Variants in MYO1D observed in about 807,000 individuals in gnomAD.
MYO1D encodes the protein unconventional myosin-Id.
Under a neutral mutation model 122.0 loss-of-function variants are expected in MYO1D, and 83 were observed. The ratio of observed to expected loss-of-function variants is 0.68; its 90% CI spans 0.57 to 0.82. MYO1D has a LOEUF of 0.82. MYO1D is among the 40% of genes least tolerant of loss of function. MYO1D has a pLI of 0.00. For missense variants in MYO1D, 1,157 were observed against 1,269.5 expected (o/e 0.91, Z 1.35); for synonymous variants, 464 against 446.9 (o/e 1.04, Z -0.48).
intron 21 of MYO1D, chr17:32,504,721 A>G (rs1278445997): frequency 6.6e-6 from 1 of 152,224 alleles, no homozygotes; most frequent in Admixed American, 6.5e-5. Flanking sequence ...CTCTCTTAGC[A>G]TGAGGTCCAT....
intron 10 of MYO1D, among the ~76,000 whole-genome samples, chr17:32,756,465 AT>A (rs2053320166): frequency 2.0e-5 from 3 of 152,124 alleles, no homozygotes; most frequent in Admixed American, 2.0e-4. Context: ...ACACAAAAAT[AT>A]CAACATTATG....
chr17:32,679,772 A>G (rs888825503), intron 16 of MYO1D, among the ~76,000 whole-genome samples: 1 of 151,870 alleles, frequency 6.6e-6, no homozygotes, highest in African/African-American at 2.4e-5. Flanking sequence ...TGAACTTTAA[A>G]GTAGTTTTTT....
Position 32,677,580 on chromosome 17 carries a change from AATATATATATATATATATATATAT to A in MYO1D, c.2122-18266_2122-18243del, listed in dbSNP as rs10523328. On this transcript the variant is annotated intron_variant, in intron 16 of 21. Coordinates refer to ENST00000318217, the MANE Select transcript of MYO1D (RefSeq NM_015194.3). Reference sequence around the variant, plus strand: ...TCATCAGGGGATATATAGATAGATAAATATATATATATATATATATATATATATATATATATATATATGCACACA... The same window carrying A: ...TCATCAGGGGATATATAGATAGATAAATATATATATATATATATGCACACA... Among the ~76,000 whole-genome samples, 558 of 135,652 alleles carry A rather than the reference AATATATATATATATATATATATAT, an allele frequency of 4.1e-3. 4 individuals carry two copies. Among genetic ancestry groups the A allele is most frequent in the Middle Eastern group, 0.012 (3 of 260 alleles). The allele number at this position is 135,652 out of a possible 152,430, so 89.0% of individuals were successfully genotyped here.
At chr17:32,685,440 T>A (rs1190380453) in intron 16 of MYO1D, among the ~76,000 whole-genome samples, 1 of 152,248 alleles carries the variant, frequency 6.6e-6, no homozygotes, top group East Asian at 1.9e-4. Context: ...CTTGAGAGGC[T>A]ATCTAGCAGA....
At chr17:32,603,899 T>C (rs1268058089) in intron 21 of MYO1D, among the ~76,000 whole-genome samples, 1 of 152,232 alleles carries the variant, frequency 6.6e-6, no homozygotes, top group Non-Finnish European at 1.5e-5. Flanking sequence ...CAAAAGTCTA[T>C]GCATTTATTA....
intron 1 of MYO1D, among the ~76,000 whole-genome samples, chr17:32,781,160 A>AGACT (rs1431218090): frequency 2.0e-5 from 3 of 152,246 alleles, no homozygotes; most frequent in African/African-American, 7.2e-5. Flanking sequence ...CCACTTAGTC[A>AGACT]GATTTTCAAT....
chr17:32,839,280 G>A (rs1200848014), intron 1 of MYO1D, among the ~76,000 whole-genome samples: 5 of 152,116 alleles, frequency 3.3e-5, no homozygotes, highest in Non-Finnish European at 7.4e-5. Context: ...TGGTCCCAAG[G>A]AAGAAAGAAC....
intron 2 of MYO1D, among the ~76,000 whole-genome samples, chr17:32,779,024 G>A (rs1320407393): frequency 2.0e-5 from 3 of 152,008 alleles, no homozygotes; most frequent in Admixed American, 2.0e-4. Context: ...AAAAATTAAG[G>A]TTAGAGTAAT....
intron 21 of MYO1D, chr17:32,499,478 A>T (rs1482090119): frequency 6.6e-6 from 1 of 151,780 alleles, no homozygotes; most frequent in Non-Finnish European, 1.5e-5. Context: ...TACTAAAAAT[A>T]CAAAAATTAG....
chr17:32,834,822 G>A (rs1567664660), intron 1 of MYO1D, among the ~76,000 whole-genome samples: 1 of 152,176 alleles, frequency 6.6e-6, no homozygotes, highest in Non-Finnish European at 1.5e-5. Context: ...GACCATCGTG[G>A]CCAACATGGT....
chr17:32,755,523 A>C lies in MYO1D; in HGVS notation c.1436T>G (p.Leu479Trp). 6.2e-7 allele frequency: 1 copy of C among 1,613,984 alleles called. No homozygotes were observed. The highest frequency in any genetic ancestry group is 1.7e-4 in the Middle Eastern group (1 of 6,060). Reference protein sequence around the residue: ...EMFLEALNSKLGKHAHFSSRK... With the variant: ...EMFLEALNSKWGKHAHFSSRK... Reference sequence around the variant, plus strand: ...GCTGGAAAAATGGGCGTGTTTGCCCAATTTACTGTTAAGTGCTTCAAGAAA... The same window carrying C: ...GCTGGAAAAATGGGCGTGTTTGCCCCATTTACTGTTAAGTGCTTCAAGAAA... Residue 479 changes from leucine (L) to tryptophan (W), a missense_variant, in exon 11 of 22, where the codon TTG (leucine) becomes TGG (tryptophan). Leu to Trp is a moderately conservative substitution (Grantham distance 61, BLOSUM62 -2). Coordinates refer to ENST00000318217, the MANE Select transcript of MYO1D (RefSeq NM_015194.3).
intron 14 of MYO1D, among the ~76,000 whole-genome samples, chr17:32,721,471 C>T (rs555262971): frequency 6.6e-6 from 1 of 152,110 alleles, no homozygotes; most frequent in African/African-American, 2.4e-5. Flanking sequence ...ACGTAAAGAT[C>T]GAGTTTCTGT....
chr17:32,644,722 G>C (rs1478706012), intron 19 of MYO1D, among the ~76,000 whole-genome samples: 1 of 152,112 alleles, frequency 6.6e-6, no homozygotes, highest in Non-Finnish European at 1.5e-5. Flanking sequence ...TTTTATCAGA[G>C]ACTAGGATTG....
Position 32,493,270 on chromosome 17 carries a change from T to C in MYO1D, c.*1489A>G, listed in dbSNP as rs1908954013. Reference sequence around the variant, plus strand: ...ATTCTTTGTTGCAAACTGCACACAGTGCAATTTTTGGGAAGCAGGGATGGG... The same window carrying C: ...ATTCTTTGTTGCAAACTGCACACAGCGCAATTTTTGGGAAGCAGGGATGGG... On this transcript the variant is annotated 3_prime_UTR_variant, in exon 22 of 22. Coordinates refer to ENST00000318217, the MANE Select transcript of MYO1D (RefSeq NM_015194.3). The C allele has an allele frequency of 6.6e-6, 1 of 152,142 alleles. No individual in the cohort carries two copies. The highest frequency in any genetic ancestry group is 1.5e-5 in the Non-Finnish European group (1 of 68,062). 9.4% of individuals were successfully genotyped at this position (152,142 alleles called of 1,614,324 possible). A position where few individuals can be genotyped will look rare whatever the true frequency, so the allele number is the denominator to read the frequency against.
chr17:32,869,720 G>A (rs891424160), intron 1 of MYO1D, among the ~76,000 whole-genome samples: 1 of 151,994 alleles, frequency 6.6e-6, no homozygotes, highest in Non-Finnish European at 1.5e-5. Context: ...TTGTCTCAAA[G>A]TTAAGCAAAA....
intron 16 of MYO1D, among the ~76,000 whole-genome samples, chr17:32,695,574 G>A (rs1341296762): frequency 6.6e-6 from 1 of 152,174 alleles, no homozygotes; most frequent in African/African-American, 2.4e-5. Context: ...CCAATGAGTA[G>A]GGCAAGAAGG....
chr17:32,591,066 C>T (rs1355071536), intron 21 of MYO1D, among the ~76,000 whole-genome samples: 2 of 152,220 alleles, frequency 1.3e-5, no homozygotes, highest in Non-Finnish European at 2.9e-5. Context: ...CTCCCGTCAT[C>T]AAGGCAGGTA....
chr17:32,609,387 G>A (rs972181202), intron 20 of MYO1D, among the ~76,000 whole-genome samples: 2 of 152,354 alleles, frequency 1.3e-5, no homozygotes, highest in South Asian at 2.1e-4. Flanking sequence ...AGGGACAGAC[G>A]TGCAGAAGAT....
intron 1 of MYO1D, among the ~76,000 whole-genome samples, chr17:32,850,009 G>GT (rs150543641): frequency 0.049 from 7,430 of 152,142 alleles, 589 homozygotes; most frequent in African/African-American, 0.17. Flanking sequence ...ATTTGCCTGT[G>GT]TTTTTGAATA....
Sources: gnomAD v4.1 joint callset for allele counts (sites outside exome capture counted in the v4.1 genomes callset) on GRCh38, gnomAD v4.1.1 for gene constraint, MANE v1.5 for transcripts, NCBI Gene and HGNC (gene_info 2026-07-23, HGNC 2026-07-21) for gene names.